The following ITSN1 variants were observed in gnomAD, a reference collection of about 807,000 sequenced individuals.
ITSN1 encodes intersectin 1, also known as intersectin-1.
ITSN1 carries 58 observed loss-of-function variants against 239.8 expected under a neutral mutation model. That is an observed-to-expected ratio of 0.24 (90% confidence interval 0.20 to 0.30). The LOEUF (loss-of-function observed/expected upper bound fraction) is 0.30, where lower values mean the gene tolerates loss of function less well. ITSN1 is among the 10% of genes least tolerant of loss of function. The probability of loss-of-function intolerance (pLI) is 1.00; values close to 1 mark genes in which losing one functional copy is unlikely to be tolerated. For synonymous variants in ITSN1, 780 were observed against 770.8 expected (o/e 1.01, Z -0.20); for missense variants, 1,558 against 2,103.3 (o/e 0.74, Z 5.07).
intron 5 of ITSN1, among the ~76,000 whole-genome samples, chr21:33,747,917 T>C (rs964271522): frequency 6.6e-6 from 1 of 152,170 alleles, no homozygotes; most frequent in African/African-American, 2.4e-5. Context: ...ATGGTAAATA[T>C]GTAGGTTAAT....
At chr21:33,661,861 TC>T (rs1374346559) in intron 1 of ITSN1, among the ~76,000 whole-genome samples, 3 of 151,952 alleles carry the variant, frequency 2.0e-5, no homozygotes, top group Non-Finnish European at 2.9e-5. Context: ...TTATGAGGCC[TC>T]CCCAGCCACC....
At chr21:33,836,945 T>G in intron 29 of ITSN1, 2 of 1,539,762 alleles carry the variant, frequency 1.3e-6, no homozygotes, top group Non-Finnish European at 9.0e-7. Flanking sequence ...ATTTTGCTCA[T>G]TGTTTTGTTT....
intron 1 of ITSN1, among the ~76,000 whole-genome samples, chr21:33,686,535 G>A (rs1294358142): frequency 6.6e-6 from 1 of 152,112 alleles, no homozygotes; most frequent in African/African-American, 2.4e-5. Context: ...AGTGCTCGCC[G>A]ATGTATCCTT....
intron 16 of ITSN1, among the ~76,000 whole-genome samples, chr21:33,792,645 T>C (rs148817551): frequency 2.5e-4 from 38 of 152,256 alleles, no homozygotes; most frequent in African/African-American, 8.9e-4. Flanking sequence ...TGGACTTCTT[T>C]CTCCCTAGGG....
chr21:33,834,268 C>T (rs371170726), intron 27 of ITSN1, 39 bp from the exon 28 acceptor site: 96 of 1,434,860 alleles, frequency 6.7e-5, no homozygotes, highest in Non-Finnish European at 8.9e-5. Context: ...ATAAAAGATG[C>T]GCCTTTAAAA....
chr21:33,834,907 G>A (rs1008644008), intron 28 of ITSN1, among the ~76,000 whole-genome samples: 5 of 152,136 alleles, frequency 3.3e-5, no homozygotes, highest in East Asian at 3.9e-4. Context: ...AGGGGGCTTC[G>A]CTGGGCAGGC....
At chr21:33,704,441 G>C (rs114133613) in intron 1 of ITSN1, among the ~76,000 whole-genome samples, 1 of 152,118 alleles carries the variant, frequency 6.6e-6, no homozygotes. Context: ...GGTGAAGTTC[G>C]TATTCCTAAA....
At position 33,874,192 on chromosome 21, in the gene ITSN1, A is replaced by G. The variant is rs558177420; in HGVS notation, c.4174-1162A>G. ...AAAAAAAAAAAAGAACATTTATATA[A>G]CCAACCCAAATCATGGGTGGTCTGT... On this transcript the variant is annotated intron_variant, in intron 33 of 39. Coordinates refer to ENST00000381318, the MANE Select transcript of ITSN1 (RefSeq NM_003024.3). Among the ~76,000 whole-genome samples the G allele has an allele frequency of 3.3e-5, 5 of 151,290 alleles. No homozygotes were observed. In the East Asian group the frequency reaches 9.7e-4, roughly 29 times the overall value.
In ITSN1 at chr21:33,858,721, G is replaced by C; in HGVS notation, c.3819G>C (p.Leu1273=). ...AACCCCTGATGGAGTCTGAGCTGCT[G>C]ACAGAAAAAGAGGTTGCTATGATTT... is the stretch of plus-strand genomic sequence containing the variant. The part of the protein sequence containing the change: ...FQKPLMESEL[L]TEKEVAMIFV... The change falls in exon 31 of 40, where the codon CTG becomes CTC. Residue 1273 remains leucine (L), a synonymous_variant. Transcript: ENST00000381318. 1 of 1,613,830 alleles carries C rather than the reference G, an allele frequency of 6.2e-7. No homozygotes were observed. The highest frequency in any genetic ancestry group is 1.1e-5 in the South Asian group (1 of 91,038).
At chr21:33,745,502 G>C (rs567009096) in intron 5 of ITSN1, among the ~76,000 whole-genome samples, 1 of 152,304 alleles carries the variant, frequency 6.6e-6, no homozygotes, top group African/African-American at 2.4e-5. Context: ...TAACATCTGA[G>C]AATCATTTAT....
chr21:33,865,208 A>C lies in ITSN1; in HGVS notation c.3948A>C (p.Gly1316=). The C allele has an allele frequency of 6.2e-7, 1 of 1,613,968 alleles. No individual in the cohort carries two copies. The highest frequency in any genetic ancestry group is 1.1e-5 in the South Asian group (1 of 91,030). ...SGEKMPVKMI[G]DILSAQLPHM... is the part of the protein sequence containing the mutation. ...AGAAGATGCCTGTGAAGATGATTGG[A>C]GACATCCTGAGCGCACAGCTGCCGC... The change falls in exon 32 of 40, where the codon GGA becomes GGC. Residue 1316 remains glycine, a synonymous_variant. Coordinates refer to ENST00000381318, the MANE Select transcript of ITSN1 (RefSeq NM_003024.3). The surrounding 1 kb of genome is among the most constrained non-coding windows in gnomAD (Gnocchi z 4.4).
At chr21:33,657,019 C>A (rs1003000452) in intron 1 of ITSN1, among the ~76,000 whole-genome samples, 2 of 152,166 alleles carry the variant, frequency 1.3e-5, no homozygotes, top group Non-Finnish European at 1.5e-5. Context: ...CCATGTCCGG[C>A]CTTTTTTAAT....
rs147654021 is a variant in ITSN1 at position 33,722,358 on chromosome 21, C to T, written c.122-230C>T. Among the ~76,000 whole-genome samples the T allele has an allele frequency of 1.8e-3, 276 of 152,284 alleles. 1 individual carries two copies. The highest frequency in any genetic ancestry group is 6.5e-3 in the African/African-American group (270 of 41,556). The stretch of plus-strand genomic sequence containing the variant: ...GATTAATTAAAGTGGAAAATCTATG[C>T]CAGGAAATGGTAGGCCCTTTTTGAG... On this transcript the variant is annotated intron_variant, in intron 3 of 39. Transcript: ENST00000381318.
chr21:33,800,799 T>G (rs894048813), intron 19 of ITSN1, among the ~76,000 whole-genome samples: 2 of 150,776 alleles, frequency 1.3e-5, no homozygotes, highest in Non-Finnish European at 3.0e-5. Context: ...TTTTTTTTTT[T>G]AAAGATAATT....
At position 33,836,422 on chromosome 21, in the gene ITSN1, C is replaced by A. The variant is rs201536850; in HGVS notation, c.3470-19C>A. On this transcript the variant is annotated intron_variant, in intron 28 of 39. Transcript: ENST00000381318. The stretch of plus-strand genomic sequence containing the variant: ...CTCCGGCGGGTGTGCAGCCGCTCAC[C>A]CAGCCCTGTCTCCTGCAGTGTGCCA... 33 of 1,567,772 alleles carry A rather than the reference C, an allele frequency of 2.1e-5. No homozygotes were observed. Among genetic ancestry groups the A allele is most frequent in the Non-Finnish European group, 2.6e-5 (30 of 1,152,942 alleles).
intron 5 of ITSN1, among the ~76,000 whole-genome samples, chr21:33,749,119 G>A (rs1436108256): frequency 6.6e-6 from 1 of 151,486 alleles, no homozygotes; most frequent in Non-Finnish European, 1.5e-5. Flanking sequence ...CTTCCATGTA[G>A]CTAGGCCTAC....
intron 14 of ITSN1, among the ~76,000 whole-genome samples, chr21:33,778,547 G>GTATA (rs1477485287): frequency 8.6e-6 from 1 of 116,038 alleles, no homozygotes; most frequent in Non-Finnish European, 1.8e-5. Flanking sequence ...AAATTTACTT[G>GTATA]TATAAAGTTG....
intron 16 of ITSN1, among the ~76,000 whole-genome samples, chr21:33,790,681 A>G (rs978982993): frequency 2.0e-5 from 3 of 152,302 alleles, no homozygotes; most frequent in South Asian, 2.1e-4. Flanking sequence ...TTATAATAGC[A>G]AAATAACTGT....
intron 9 of ITSN1, 58 bp from the exon 10 acceptor site, chr21:33,765,817 A>G: frequency 1.9e-6 from 3 of 1,576,944 alleles, no homozygotes; most frequent in Non-Finnish European, 2.6e-6. Flanking sequence ...TCACTAATGA[A>G]TAGTAAAAAG....
Sources: allele counts gnomAD v4.1 joint callset (sites outside exome capture counted in the v4.1 genomes callset), GRCh38; gene constraint gnomAD v4.1.1; non-coding constraint Gnocchi (gnomAD v3.1); transcripts MANE v1.5; gene names NCBI Gene and HGNC (gene_info 2026-07-23, HGNC 2026-07-21).